The following CNTN4 variants were observed in gnomAD, a reference collection of about 807,000 sequenced individuals.
CNTN4 encodes contactin-4.
CNTN4 carries 77 observed loss-of-function variants against 122.5 expected under a neutral mutation model. The observed-to-expected ratio is 0.63, with a 90% CI of 0.52 to 0.76. The LOEUF is 0.76. CNTN4 is among the 30% of genes least tolerant of loss of function. CNTN4 has a pLI of 0.00. For missense variants in CNTN4, 1,256 were observed against 1,259.1 expected, an observed-to-expected ratio of 1.00 and a Z score of 0.04; for synonymous variants, 512 against 447.0, an observed-to-expected ratio of 1.15 and a Z score of -1.83.
chr3:2,249,766 G>A (rs1461214910), intron 2 of CNTN4, among the ~76,000 whole-genome samples: 1 of 151,884 alleles, frequency 6.6e-6, no homozygotes, highest in Non-Finnish European at 1.5e-5. Context: ...ATTATGTGGT[G>A]GCTTTAGTTT....
chr3:2,696,314 G>C (rs2086032363), intron 4 of CNTN4, among the ~76,000 whole-genome samples: 1 of 152,198 alleles, frequency 6.6e-6, no homozygotes, highest in South Asian at 2.1e-4. Flanking sequence ...CCAAAGTTCA[G>C]GTTGAAACTT....
chr3:2,162,752 A>G (rs919531349), intron 2 of CNTN4, among the ~76,000 whole-genome samples: 1 of 152,212 alleles, frequency 6.6e-6, no homozygotes, highest in Non-Finnish European at 1.5e-5. Context: ...ATGATATGGA[A>G]GTTTCCTGTA....
At chr3:2,450,093 G>C (rs141885713) in intron 3 of CNTN4, among the ~76,000 whole-genome samples, 37 of 152,292 alleles carry the variant, frequency 2.4e-4, no homozygotes, top group Admixed American at 4.6e-4. Flanking sequence ...GAAGCTGGGT[G>C]TGGTGGCTTA....
intron 12 of CNTN4, among the ~76,000 whole-genome samples, chr3:2,910,108 A>G (rs2094283839): frequency 6.6e-6 from 1 of 152,250 alleles, no homozygotes; most frequent in South Asian, 2.1e-4. Context: ...AATAAAGCAC[A>G]CAGAATGTCT....
chr3:2,192,109 T>G (rs1246422228), intron 2 of CNTN4, among the ~76,000 whole-genome samples: 1 of 151,982 alleles, frequency 6.6e-6, no homozygotes, highest in African/African-American at 2.4e-5. Context: ...TGTCCCACAT[T>G]TTCTTAATCC....
At chr3:2,349,549 A>G (rs958172323) in intron 3 of CNTN4, among the ~76,000 whole-genome samples, 2 of 152,166 alleles carry the variant, frequency 1.3e-5, no homozygotes, top group African/African-American at 4.8e-5. Flanking sequence ...GTACTAACAG[A>G]TATTACCTAG....
At chr3:2,440,450 C>T (rs1199910732) in intron 3 of CNTN4, among the ~76,000 whole-genome samples, 1 of 152,136 alleles carries the variant, frequency 6.6e-6, no homozygotes, top group East Asian at 1.9e-4. Context: ...GACCTTAATA[C>T]ATATTGTGAG....
At chr3:2,688,901 G>GAACC (rs1329782227) in intron 4 of CNTN4, among the ~76,000 whole-genome samples, 5 of 152,118 alleles carry the variant, frequency 3.3e-5, no homozygotes, top group Admixed American at 6.5e-5. Context: ...GACAATCTAG[G>GAACC]AACCATTAAG....
In CNTN4 at chr3:2,453,552, G is replaced by A. The variant is rs1185962858; in HGVS notation, c.-89+114319G>A. Among the ~76,000 whole-genome samples, 37 of 152,092 alleles carry A rather than the reference G, an allele frequency of 2.4e-4. 1 individual carries two copies. Among genetic ancestry groups the A allele is most frequent in the Admixed American group, 2.3e-3 (35 of 15,250 alleles). ...ACATGAGGAACTTGAGGCTCAGTGG[G>A]ATTCAATGCCGTGTTCATGATCATG... On this transcript the variant is annotated intron_variant, in intron 3 of 24. Transcript: ENST00000418658.
At chr3:2,150,074 A>G (rs2035427900) in intron 2 of CNTN4, among the ~76,000 whole-genome samples, 1 of 151,886 alleles carries the variant, frequency 6.6e-6, no homozygotes, top group African/African-American at 2.4e-5. Context: ...CTAATATTCT[A>G]CAAGATGCTT....
chr3:2,114,498 A>G (rs1408164845), intron 2 of CNTN4, among the ~76,000 whole-genome samples: 5 of 152,076 alleles, frequency 3.3e-5, no homozygotes, highest in Non-Finnish European at 5.9e-5. Context: ...AGGGTATAGT[A>G]TGTACAATGG....
intron 6 of CNTN4, among the ~76,000 whole-genome samples, chr3:2,796,286 A>T (rs534187580): frequency 6.6e-6 from 1 of 152,236 alleles, no homozygotes; most frequent in Non-Finnish European, 1.5e-5. Flanking sequence ...GATGTTTCTT[A>T]AAGGATTATA....
At chr3:2,607,013 C>G (rs1397362229) in intron 4 of CNTN4, among the ~76,000 whole-genome samples, 2 of 152,204 alleles carry the variant, frequency 1.3e-5, no homozygotes, top group South Asian at 2.1e-4. Context: ...TTCGCTTCCA[C>G]AGTCTCCTAT....
intron 6 of CNTN4, among the ~76,000 whole-genome samples, chr3:2,791,418 A>T: frequency 6.6e-6 from 1 of 151,890 alleles, no homozygotes; most frequent in East Asian, 1.9e-4. Flanking sequence ...CTCTAGTCCC[A>T]GCTACTCAGG....
intron 2 of CNTN4, among the ~76,000 whole-genome samples, chr3:2,319,233 A>G (rs1272420385): frequency 6.6e-6 from 1 of 152,154 alleles, no homozygotes; most frequent in Non-Finnish European, 1.5e-5. Context: ...ATTCACAAGT[A>G]CCACATAAGA....
chr3:2,675,851 T>C (rs950161575), intron 4 of CNTN4, among the ~76,000 whole-genome samples: 2 of 152,200 alleles, frequency 1.3e-5, no homozygotes, highest in African/African-American at 4.8e-5. Context: ...GTCTGTTATC[T>C]CATTTGTTTC....
chr3:2,173,963 C>T (rs999919144), intron 2 of CNTN4, among the ~76,000 whole-genome samples: 1 of 152,086 alleles, frequency 6.6e-6, no homozygotes, highest in Non-Finnish European at 1.5e-5. Flanking sequence ...GTCAAACAGG[C>T]TGTGAGAGTC....
chr3:2,341,039 C>G (rs1001701528), intron 3 of CNTN4, among the ~76,000 whole-genome samples: 18 of 152,016 alleles, frequency 1.2e-4, no homozygotes, highest in Admixed American at 1.3e-4. Context: ...CTTAAGGCAG[C>G]AACATTATTC....
chr3:2,450,046 G>A (rs4452314), intron 3 of CNTN4, among the ~76,000 whole-genome samples: 98,079 of 151,998 alleles, frequency 0.65, 31,944 homozygotes, highest in East Asian at 0.78. Context: ...ATAGTTAACA[G>A]TACTGTATTG....
Sources: allele counts gnomAD v4.1 joint callset (sites outside exome capture counted in the v4.1 genomes callset), GRCh38; gene constraint gnomAD v4.1.1; transcripts MANE v1.5; gene names NCBI Gene and HGNC (gene_info 2026-07-23, HGNC 2026-07-21).